The following HSD17B12 variants were observed in gnomAD, a reference collection of about 807,000 sequenced individuals.
The protein encoded by HSD17B12 is hydroxysteroid 17-beta dehydrogenase 12, also known as very-long-chain 3-oxoacyl-CoA reductase.
Under a neutral mutation model 39.3 loss-of-function variants are expected in HSD17B12, and 32 were observed. The observed-to-expected ratio is 0.81, with a 90% CI of 0.61 to 1.09. The LOEUF (loss-of-function observed/expected upper bound fraction) is 1.09. HSD17B12 is among the 50% of genes least tolerant of loss of function. HSD17B12 has a pLI of 0.00. For synonymous variants in HSD17B12, 150 were observed against 146.7 expected (o/e 1.02, Z -0.16); for missense variants, 342 against 382.9 (o/e 0.89, Z 0.89).
chr11:43,698,231 T>C (rs1590669488), intron 1 of HSD17B12, among the ~76,000 whole-genome samples: 1 of 152,146 alleles, frequency 6.6e-6, no homozygotes, highest in South Asian at 2.1e-4. Context: ...CATAAAACAC[T>C]AAGAGAGATC....
At chr11:43,809,032 T>G (rs1334869692) in intron 4 of HSD17B12, among the ~76,000 whole-genome samples, 2 of 152,198 alleles carry the variant, frequency 1.3e-5, no homozygotes, top group Non-Finnish European at 2.9e-5. Context: ...TCAGTATAAA[T>G]AGCAGCAGCT....
the HSD17B12 span, among the ~76,000 whole-genome samples, chr11:43,609,547 G>C: frequency 6.6e-6 from 1 of 151,992 alleles, no homozygotes; most frequent in African/African-American, 2.4e-5. Flanking sequence ...TTAATTTGTA[G>C]AGATGGGGTG....
chr11:43,561,578 G>A, the HSD17B12 span, among the ~76,000 whole-genome samples: 1 of 152,098 alleles, frequency 6.6e-6, no homozygotes, highest in African/African-American at 2.4e-5. Flanking sequence ...GAAGACTATG[G>A]ACCCTCCATC....
chr11:43,559,603 C>T, the HSD17B12 span: 453 of 156,060 alleles, frequency 2.9e-3, 2 homozygotes, highest in Non-Finnish European at 3.3e-3. Flanking sequence ...AGGAAACAGA[C>T]CTTCTTCCTC....
intron 1 of HSD17B12, among the ~76,000 whole-genome samples, chr11:43,722,067 T>C (rs994420650): frequency 7.2e-5 from 11 of 152,110 alleles, no homozygotes; most frequent in African/African-American, 2.4e-4. Context: ...GAATATGGGA[T>C]ATGGGAATGG....
chr11:43,725,374 T>C (rs936094920), intron 1 of HSD17B12, among the ~76,000 whole-genome samples: 3 of 152,220 alleles, frequency 2.0e-5, no homozygotes, highest in South Asian at 4.1e-4. Context: ...AGTAAGCACA[T>C]AATAAATGCT....
At chr11:43,621,696 G>A in the HSD17B12 span, among the ~76,000 whole-genome samples, 7 of 152,224 alleles carry the variant, frequency 4.6e-5, no homozygotes, top group African/African-American at 1.7e-4. Context: ...AGATGACAGA[G>A]TGAGACCCTG....
chr11:43,654,030 A>G, the HSD17B12 span, among the ~76,000 whole-genome samples: 3 of 151,986 alleles, frequency 2.0e-5, no homozygotes, highest in Non-Finnish European at 2.9e-5. Flanking sequence ...AAGTGTTCCT[A>G]TTTCTCCACA....
intron 4 of HSD17B12, among the ~76,000 whole-genome samples, chr11:43,809,401 T>G (rs1951047981): frequency 6.6e-6 from 1 of 152,226 alleles, no homozygotes; most frequent in Non-Finnish European, 1.5e-5. Context: ...GTCTGTATTC[T>G]TTTAGCTCAA....
At chr11:43,743,078 T>C (rs1442087207) in intron 1 of HSD17B12, among the ~76,000 whole-genome samples, 1 of 152,224 alleles carries the variant, frequency 6.6e-6, no homozygotes, top group African/African-American at 2.4e-5. Flanking sequence ...TTCTGAAGAC[T>C]GTTAGTTTCA....
the HSD17B12 span, among the ~76,000 whole-genome samples, chr11:43,642,329 G>A: frequency 6.6e-5 from 10 of 151,454 alleles, no homozygotes; most frequent in Admixed American, 6.6e-4. Context: ...AAACTTCTAA[G>A]TTATTTTTAA....
intron 3 of HSD17B12, among the ~76,000 whole-genome samples, chr11:43,778,679 A>G (rs1370250755): frequency 6.6e-6 from 1 of 151,478 alleles, no homozygotes; most frequent in African/African-American, 2.4e-5. Context: ...GGCTGGTTCA[A>G]TATATGCAAA....
intron 1 of HSD17B12, among the ~76,000 whole-genome samples, chr11:43,694,148 A>G (rs1293397644): frequency 1.3e-5 from 2 of 152,176 alleles, no homozygotes; most frequent in Non-Finnish European, 2.9e-5. Flanking sequence ...AATTATTTCC[A>G]TAACAACCCT....
chr11:43,606,975 A>G, the HSD17B12 span, among the ~76,000 whole-genome samples: 1,067 of 152,266 alleles, frequency 7.0e-3, 10 homozygotes, highest in Non-Finnish European at 0.011. Context: ...CAGGCCTTGC[A>G]TTTTGTATCC....
chr11:43,636,652 G>A, the HSD17B12 span, among the ~76,000 whole-genome samples: 4 of 151,720 alleles, frequency 2.6e-5, no homozygotes, highest in African/African-American at 4.8e-5. Flanking sequence ...AAGAGACTCC[G>A]ATTAAATAAT....
the HSD17B12 span, among the ~76,000 whole-genome samples, chr11:43,649,175 G>A: frequency 1.3e-5 from 2 of 151,890 alleles, no homozygotes; most frequent in Admixed American, 1.3e-4. Flanking sequence ...GGGAGAAAAG[G>A]GCCCATTGTA....
chr11:43,742,275 C>G (rs1316726798), intron 1 of HSD17B12, among the ~76,000 whole-genome samples: 1 of 151,432 alleles, frequency 6.6e-6, no homozygotes, highest in Non-Finnish European at 1.5e-5. Context: ...GTAGGTGGGA[C>G]TATAGGTGTG....
intron 1 of HSD17B12, among the ~76,000 whole-genome samples, chr11:43,727,450 A>G (rs535934737): frequency 1.4e-4 from 21 of 151,916 alleles, no homozygotes; most frequent in Non-Finnish European, 2.8e-4. Context: ...ATTCTGTTTG[A>G]ATCTTGATCA....
chr11:43,601,519 T>TAA, the HSD17B12 span, among the ~76,000 whole-genome samples: 25 of 142,964 alleles, frequency 1.7e-4, no homozygotes, highest in East Asian at 9.8e-4. Context: ...TTTTTTTTTT[T>TAA]AAAGTAGCCT....
Sources: allele counts gnomAD v4.1 joint callset (sites outside exome capture counted in the v4.1 genomes callset), GRCh38; gene constraint gnomAD v4.1.1; transcripts MANE v1.5; gene names NCBI Gene and HGNC (gene_info 2026-07-23, HGNC 2026-07-21).